Variants in XKR6 observed in about 807,000 individuals in gnomAD.
The protein encoded by XKR6 is XK related 6.
In XKR6, 22 loss-of-function variants were observed where a neutral mutation model predicts 56.7. The observed-to-expected ratio is 0.39, with a 90% CI of 0.28 to 0.55. The LOEUF (loss-of-function observed/expected upper bound fraction) is 0.55, where lower values mean the gene tolerates loss of function less well. XKR6 is among the 20% of genes least tolerant of loss of function. The probability of loss-of-function intolerance (pLI) is 0.66; values close to 1 mark genes in which losing one functional copy is unlikely to be tolerated. For missense variants in XKR6, 852 were observed against 889.0 expected (o/e 0.96, Z 0.53); for synonymous variants, 524 against 387.8 (o/e 1.35, Z -4.13).
chr8:11,174,074 C>T (rs1802527231), intron 1 of XKR6, among the ~76,000 whole-genome samples: 1 of 152,108 alleles, frequency 6.6e-6, no homozygotes, highest in Non-Finnish European at 1.5e-5. Flanking sequence ...AAAATAAAAC[C>T]ACCACTGATC....
chr8:11,146,014 G>A (rs1361897922), intron 1 of XKR6, among the ~76,000 whole-genome samples: 2 of 152,032 alleles, frequency 1.3e-5, no homozygotes, highest in African/African-American at 4.8e-5. Flanking sequence ...CAATGGAACA[G>A]AATCAAGCTC....
chr8:11,036,691 G>A (rs1291141961), intron 1 of XKR6, among the ~76,000 whole-genome samples: 2 of 152,252 alleles, frequency 1.3e-5, no homozygotes. Flanking sequence ...TTCAACAGAA[G>A]TTTAAGGCAC....
At chr8:11,034,586 C>A (rs80298881) in intron 1 of XKR6, among the ~76,000 whole-genome samples, 1,614 of 152,278 alleles carry the variant, frequency 0.011, 17 homozygotes, top group African/African-American at 0.037. Flanking sequence ...GTGACATGCA[C>A]CTTAGACAGG....
intron 1 of XKR6, among the ~76,000 whole-genome samples, chr8:10,986,941 T>A (rs1797876927): frequency 6.6e-6 from 1 of 151,920 alleles, no homozygotes; most frequent in South Asian, 2.1e-4. Flanking sequence ...TGGCCAATTT[T>A]TTTTTTTTAA....
intron 1 of XKR6, among the ~76,000 whole-genome samples, chr8:11,086,157 T>TTTAAA (rs1491345169): frequency 1.4e-5 from 2 of 147,980 alleles, no homozygotes; most frequent in African/African-American, 5.0e-5. Flanking sequence ...TATTTTTTTT[T>TTTAAA]AAAAAAAACA....
At chr8:11,165,353 T>A (rs1802021289) in intron 1 of XKR6, among the ~76,000 whole-genome samples, 1 of 152,038 alleles carries the variant, frequency 6.6e-6, no homozygotes, top group South Asian at 2.1e-4. Flanking sequence ...CCACCTCGGC[T>A]TCCCAAAGTG....
intron 1 of XKR6, among the ~76,000 whole-genome samples, chr8:11,165,152 T>C (rs1802008562): frequency 7.4e-6 from 1 of 134,278 alleles, no homozygotes; most frequent in South Asian, 2.4e-4. Context: ...CAGGCTGGAG[T>C]GCAATGGCAC....
At chr8:10,986,263 T>G (rs1460899120) in intron 1 of XKR6, among the ~76,000 whole-genome samples, 1 of 152,216 alleles carries the variant, frequency 6.6e-6, no homozygotes, top group Non-Finnish European at 1.5e-5. Context: ...TCACAACGTA[T>G]GTATTCTAAA....
At chr8:11,062,817 G>A (rs1157472405) in intron 1 of XKR6, 2 of 456,222 alleles carry the variant, frequency 4.4e-6, no homozygotes, top group Admixed American at 2.3e-5. Context: ...CAGCCTCCTC[G>A]GCAATCAGCG....
chr8:10,952,848 A>G (rs565859874), intron 1 of XKR6, among the ~76,000 whole-genome samples: 1 of 152,296 alleles, frequency 6.6e-6, no homozygotes, highest in African/African-American at 2.4e-5. Context: ...ACCCAGCTGC[A>G]CAGCAGGAGG....
chr8:11,019,628 G>A (rs966536385), intron 1 of XKR6, among the ~76,000 whole-genome samples: 10 of 152,222 alleles, frequency 6.6e-5, no homozygotes, highest in Admixed American at 1.3e-4. Context: ...CCTAGAGGTG[G>A]TGTGAGCAGT....
At chr8:11,045,158 C>G (rs1799379485) in intron 1 of XKR6, among the ~76,000 whole-genome samples, 1 of 132,372 alleles carries the variant, frequency 7.6e-6, no homozygotes, top group Non-Finnish European at 1.5e-5. Context: ...ACGATCTCAG[C>G]TCATTGCAAC....
chr8:10,972,527 G>T (rs1265566647), intron 1 of XKR6, among the ~76,000 whole-genome samples: 2 of 152,176 alleles, frequency 1.3e-5, no homozygotes, highest in Non-Finnish European at 2.9e-5. Flanking sequence ...GAATCGTATT[G>T]CACATTAAAA....
intron 1 of XKR6, among the ~76,000 whole-genome samples, chr8:10,980,986 A>G (rs1797721121): frequency 6.6e-6 from 1 of 152,150 alleles, no homozygotes; most frequent in Non-Finnish European, 1.5e-5. Flanking sequence ...AGAAAAAAAA[A>G]AGAGAAGAGC....
At chr8:11,072,958 G>T (rs1018807507) in intron 1 of XKR6, among the ~76,000 whole-genome samples, 5 of 152,140 alleles carry the variant, frequency 3.3e-5, no homozygotes, top group African/African-American at 7.2e-5. Flanking sequence ...GCTGAGGCAG[G>T]AGAATTGCTT....
At chr8:11,173,249 C>T (rs1802468927) in intron 1 of XKR6, among the ~76,000 whole-genome samples, 1 of 151,366 alleles carries the variant, frequency 6.6e-6, no homozygotes, top group African/African-American at 2.4e-5. Flanking sequence ...GAGGCTGAGG[C>T]AGGAGAATGG....
chr8:11,123,130 G>A (rs978344781), intron 1 of XKR6, among the ~76,000 whole-genome samples: 3 of 151,566 alleles, frequency 2.0e-5, no homozygotes, highest in Admixed American at 6.6e-5. Context: ...CCAGCTACTC[G>A]GGAGGCTGAG....
At chr8:11,126,546 T>C (rs1799808559) in intron 1 of XKR6, among the ~76,000 whole-genome samples, 1 of 152,150 alleles carries the variant, frequency 6.6e-6, no homozygotes. Flanking sequence ...TCCTTCATAT[T>C]ACTTCTCAGC....
At chr8:11,114,084 C>G (rs139638215) in intron 1 of XKR6, 3 of 442,682 alleles carry the variant, frequency 6.8e-6, no homozygotes, top group African/African-American at 2.0e-5. Flanking sequence ...TCATGTCTTT[C>G]GCTTAGAGCT....
Sources: gnomAD v4.1 joint callset for allele counts (sites outside exome capture counted in the v4.1 genomes callset) on GRCh38, gnomAD v4.1.1 for gene constraint, MANE v1.5 for transcripts, NCBI Gene and HGNC (gene_info 2026-07-23, HGNC 2026-07-21) for gene names.